The following ABCB4 variants were observed in gnomAD, a reference collection of about 807,000 sequenced individuals.
ABCB4 encodes the protein ATP binding cassette subfamily B member 4.
ABCB4 carries 76 observed loss-of-function variants against 145.7 expected under a neutral mutation model. The observed-to-expected ratio is 0.52, with a 90% CI of 0.43 to 0.63. The LOEUF (loss-of-function observed/expected upper bound fraction) is 0.63, where lower values mean the gene tolerates loss of function less well. Ranked by LOEUF, ABCB4 falls within the 30% of genes least tolerant of loss-of-function variation. ABCB4 has a pLI of 0.00. For synonymous variants in ABCB4, 517 were observed against 566.8 expected, an observed-to-expected ratio of 0.91 and a Z score of 1.25; for missense variants, 1,234 against 1,553.1, an observed-to-expected ratio of 0.79 and a Z score of 3.45.
At chr7:87,408,409 G>T (rs1808368867) in intron 24 of ABCB4, among the ~76,000 whole-genome samples, 175 bp from the exon 25 acceptor site, 2 of 152,194 alleles carry the variant, frequency 1.3e-5, no homozygotes, top group African/African-American at 4.8e-5. Context: ...TGAAATGAAG[G>T]TGAGAGATAG....
At chr7:87,374,633 T>C in the ABCB4 span, among the ~76,000 whole-genome samples, 2 of 152,076 alleles carry the variant, frequency 1.3e-5, no homozygotes, top group African/African-American at 2.4e-5. Context: ...TAGATGCAGA[T>C]TGGTGAAGAA....
At chr7:87,405,654 T>C (rs1562948352) in intron 26 of ABCB4, among the ~76,000 whole-genome samples, 1 of 152,140 alleles carries the variant, frequency 6.6e-6, no homozygotes, top group Non-Finnish European at 1.5e-5. Context: ...CTCAATCTCC[T>C]GACCTCGTAA....
chr7:87,449,888 A>T (rs753243983), intron 8 of ABCB4, 80 bp downstream of exon 8: 99 of 1,608,520 alleles, frequency 6.2e-5, no homozygotes, highest in Non-Finnish European at 8.1e-5. Flanking sequence ...AAGGGAAGGT[A>T]AAAAACACAT....
intron 20 of ABCB4, 44 bp from the exon 21 acceptor site, chr7:87,417,559 A>G (rs142060843): frequency 2.4e-5 from 36 of 1,514,176 alleles, no homozygotes; most frequent in Non-Finnish European, 3.0e-5. Flanking sequence ...TTAAGCTCCA[A>G]ATGCATGCGC....
downstream of ABCB4, among the ~76,000 whole-genome samples, chr7:87,401,079 T>C (rs111305194): frequency 5.9e-5 from 9 of 152,356 alleles, 1 homozygote; most frequent in African/African-American, 1.9e-4. Flanking sequence ...GGTCAAACAC[T>C]ACTTTGGGTC....
At chr7:87,434,414 G>A (rs1810470821) in intron 14 of ABCB4, among the ~76,000 whole-genome samples, 1 of 151,912 alleles carries the variant, frequency 6.6e-6, no homozygotes, top group South Asian at 2.1e-4. Context: ...ACAAATAGTT[G>A]CTATCTGTAG....
chr7:87,406,607 A>G, intron 25 of ABCB4, 113 bp from the exon 26 acceptor site: 1 of 1,129,794 alleles, frequency 8.9e-7, no homozygotes, highest in South Asian at 1.3e-5. Context: ...AGCAGCTTCA[A>G]AACAACAACC....
intron 23 of ABCB4, among the ~76,000 whole-genome samples, chr7:87,411,165 A>G (rs184907359): frequency 4.0e-5 from 6 of 149,944 alleles, no homozygotes; most frequent in African/African-American, 1.5e-4. Flanking sequence ...ATTTTGGATG[A>G]AAAAAAAAAC....
At chr7:87,372,820 T>G in the ABCB4 span, among the ~76,000 whole-genome samples, 1 of 152,190 alleles carries the variant, frequency 6.6e-6, no homozygotes, top group Admixed American at 6.5e-5. Flanking sequence ...CATTCTATTT[T>G]ACAGATATGC....
chr7:87,471,770 T>G (rs1248940437), intron 3 of ABCB4, among the ~76,000 whole-genome samples: 1 of 152,216 alleles, frequency 6.6e-6, no homozygotes, highest in South Asian at 2.1e-4. Context: ...ATGAGGAGAC[T>G]TCTTCCAAAA....
chr7:87,385,882 T>C, the ABCB4 span, among the ~76,000 whole-genome samples: 1 of 152,346 alleles, frequency 6.6e-6, no homozygotes, highest in South Asian at 2.1e-4. Flanking sequence ...AAATTTTTTT[T>C]ATCATGAAGG....
chr7:87,379,927 A>T, the ABCB4 span, among the ~76,000 whole-genome samples: 1 of 152,118 alleles, frequency 6.6e-6, no homozygotes, highest in Non-Finnish European at 1.5e-5. Context: ...CTTGGGCAAC[A>T]TAGTGAGACC....
At chr7:87,444,178 T>A (rs1208330541) in intron 10 of ABCB4, among the ~76,000 whole-genome samples, 1 of 152,166 alleles carries the variant, frequency 6.6e-6, no homozygotes, top group Non-Finnish European at 1.5e-5. Flanking sequence ...ATAAATGTAA[T>A]AGATTGAATT....
chr7:87,440,483 A>T (rs536232867), intron 12 of ABCB4, 81 bp from the exon 13 acceptor site: 11 of 1,197,036 alleles, frequency 9.2e-6, no homozygotes, highest in Admixed American at 4.0e-5. Flanking sequence ...AAAACATCCT[A>T]CCTAATATTT....
At chr7:87,419,901 G>A (rs1272719622) in intron 19 of ABCB4, 97 bp downstream of exon 19, 4 of 1,316,354 alleles carry the variant, frequency 3.0e-6, no homozygotes, top group African/African-American at 1.5e-5. Context: ...ACCCTGGGGG[G>A]AAAACATGCA....
At chr7:87,406,929 T>C (rs1017570913) in intron 25 of ABCB4, among the ~76,000 whole-genome samples, 3 of 152,170 alleles carry the variant, frequency 2.0e-5, no homozygotes, top group Non-Finnish European at 2.9e-5. Flanking sequence ...CAAAAGCTGG[T>C]TGACTCTGGT....
Position 87,431,398 on chromosome 7 carries a change from A to T in ABCB4, c.1893+6T>A. ...ATAGCAGAAAAAATTCCTGAAAAGC[A>T]AGTACCTGCATGTTGACAAGTTTGA... On this transcript the variant is annotated splice_donor_region_variant and intron_variant, in intron 15 of 27. Transcript: ENST00000649586. 3 of 1,614,038 alleles carry T rather than the reference A, an allele frequency of 1.9e-6. No individual in the cohort carries two copies. The highest frequency in any genetic ancestry group is 8.5e-7 in the Non-Finnish European group (1 of 1,179,930).
At chr7:87,398,722 G>A, downstream of ABCB4, 2 of 1,376,036 alleles carry the variant, frequency 1.5e-6, no homozygotes, top group Non-Finnish European at 2.0e-6. Flanking sequence ...ATATGAGATG[G>A]GAAGGAATGT....
At chr7:87,412,125 T>G (rs1584684723) in intron 22 of ABCB4, 92 bp from the exon 23 acceptor site, 1 of 1,424,400 alleles carries the variant, frequency 7.0e-7, no homozygotes, top group African/African-American at 1.4e-5. Flanking sequence ...TCTGGCCGAG[T>G]GGGTTTAAGT....
Sources: allele counts gnomAD v4.1 joint callset (sites outside exome capture counted in the v4.1 genomes callset), GRCh38; gene constraint gnomAD v4.1.1; transcripts MANE v1.5; gene names NCBI Gene and HGNC (gene_info 2026-07-23, HGNC 2026-07-21).